TAFA2: variants seen among roughly 807,000 people sequenced by gnomAD.
TAFA2 encodes chemokine-like protein TAFA-2.
A neutral mutation model predicts 18.8 loss-of-function variants in TAFA2; 7 were observed. The observed-to-expected ratio is 0.37, with a 90% CI of 0.21 to 0.70. The LOEUF (loss-of-function observed/expected upper bound fraction) is 0.70. Ranked by LOEUF, TAFA2 falls within the 30% of genes least tolerant of loss-of-function variation. TAFA2 has a pLI of 0.53. For missense variants in TAFA2, 122 were observed against 158.1 expected, an observed-to-expected ratio of 0.77 and a Z score of 1.23; for synonymous variants, 60 against 54.2, an observed-to-expected ratio of 1.11 and a Z score of -0.47.
intron 1 of TAFA2, among the ~76,000 whole-genome samples, chr12:61,892,729 C>G (rs1875688840): frequency 6.6e-6 from 1 of 152,092 alleles, no homozygotes; most frequent in Non-Finnish European, 1.5e-5. Flanking sequence ...GTCCCAGCTA[C>G]TTGGGAGGCT....
At chr12:62,097,078 T>C (rs1219782457) in intron 1 of TAFA2, among the ~76,000 whole-genome samples, 1 of 152,182 alleles carries the variant, frequency 6.6e-6, no homozygotes, top group Admixed American at 6.6e-5. Context: ...ATTCTGCTTC[T>C]GTTTCTTCAT....
At chr12:61,895,211 A>G (rs1053118155) in intron 1 of TAFA2, among the ~76,000 whole-genome samples, 5 of 152,198 alleles carry the variant, frequency 3.3e-5, no homozygotes, top group African/African-American at 1.2e-4. Flanking sequence ...ATGTAGTCAG[A>G]CAATAAAAAT....
chr12:61,857,217 A>G (rs1281086410), intron 2 of TAFA2, among the ~76,000 whole-genome samples: 4 of 152,118 alleles, frequency 2.6e-5, no homozygotes, highest in Non-Finnish European at 5.9e-5. Flanking sequence ...AATAATAGAA[A>G]CATTGAGTTG....
intron 2 of TAFA2, among the ~76,000 whole-genome samples, chr12:61,820,093 A>G (rs2121044265): frequency 6.6e-6 from 1 of 152,224 alleles, no homozygotes; most frequent in East Asian, 1.9e-4. Context: ...ATTCTTAAAG[A>G]AAACTGCATT....
intron 1 of TAFA2, among the ~76,000 whole-genome samples, chr12:62,130,957 A>T (rs1319190458): frequency 6.6e-6 from 1 of 152,018 alleles, no homozygotes; most frequent in Admixed American, 6.6e-5. Flanking sequence ...ACAAGTGATA[A>T]GCATCAACAA....
intron 1 of TAFA2, among the ~76,000 whole-genome samples, chr12:61,949,496 TA>T (rs1204417765): frequency 6.6e-6 from 1 of 152,136 alleles, no homozygotes; most frequent in East Asian, 1.9e-4. Context: ...CAATGGGGAT[TA>T]AAAAAGCAAG....
At position 61,790,188 on chromosome 12, in the gene TAFA2, A is replaced by AG. The variant is rs34320899; in HGVS notation, c.107-35165_107-35164insC. On this transcript the variant is annotated intron_variant, in intron 2 of 4. Transcript: ENST00000416284. The stretch of plus-strand genomic sequence containing the variant: ...ACATCCCTTCATGATAAAAAAAAAA[A>AG]TCCCCAAAATTAGGTATAAAGGTAC... Among the ~76,000 whole-genome samples the AG allele has an allele frequency of 8.0e-4, 121 of 150,334 alleles. 1 individual carries two copies. Among genetic ancestry groups the AG allele is most frequent in the Middle Eastern group, 3.4e-3 (1 of 292 alleles).
At chr12:61,781,703 T>C (rs1203293019) in intron 2 of TAFA2, among the ~76,000 whole-genome samples, 2 of 151,490 alleles carry the variant, frequency 1.3e-5, no homozygotes, top group Non-Finnish European at 3.0e-5. Flanking sequence ...ACGATAAAAA[T>C]ATGTCTTAAA....
chr12:62,205,402 C>T (rs990461552), intron 1 of TAFA2, among the ~76,000 whole-genome samples: 2 of 152,234 alleles, frequency 1.3e-5, no homozygotes, highest in Non-Finnish European at 2.9e-5. Context: ...ATCCAGACTG[C>T]CTGGATTCCT....
chr12:61,753,576 A>C (rs1033840648), intron 4 of TAFA2, 46 bp downstream of exon 4: 14 of 1,580,836 alleles, frequency 8.9e-6, no homozygotes, highest in Non-Finnish European at 1.1e-5. Flanking sequence ...TCCGTTCTCT[A>C]TTAATTCAGA....
At chr12:62,005,795 A>G (rs1396193554) in intron 1 of TAFA2, among the ~76,000 whole-genome samples, 1 of 152,136 alleles carries the variant, frequency 6.6e-6, no homozygotes, top group African/African-American at 2.4e-5. Context: ...TAGACAGTTC[A>G]TTTGCCCTAA....
At chr12:62,105,672 C>T (rs1049942343) in intron 1 of TAFA2, among the ~76,000 whole-genome samples, 1 of 152,132 alleles carries the variant, frequency 6.6e-6, no homozygotes, top group African/African-American at 2.4e-5. Context: ...ATCCCAGATA[C>T]GTAGTTCAAA....
intron 4 of TAFA2, among the ~76,000 whole-genome samples, chr12:61,751,674 G>A (rs867404872): frequency 1.3e-5 from 2 of 151,974 alleles, no homozygotes; most frequent in South Asian, 2.1e-4. Flanking sequence ...TCTATATAGA[G>A]GATAATGTCT....
chr12:62,021,871 C>T (rs1317146396), intron 1 of TAFA2: 5 of 767,984 alleles, frequency 6.5e-6, no homozygotes, highest in African/African-American at 1.7e-5. Context: ...CCTCCGTCCT[C>T]GGAGTTTCCC....
At chr12:62,081,021 T>C (rs900748723) in intron 1 of TAFA2, among the ~76,000 whole-genome samples, 45 of 152,230 alleles carry the variant, frequency 3.0e-4, no homozygotes, top group Admixed American at 2.2e-3. Context: ...GGTGAAACCC[T>C]GTCTCTACGA....
intron 1 of TAFA2, among the ~76,000 whole-genome samples, chr12:62,163,664 G>A (rs982034266): frequency 1.2e-4 from 18 of 152,116 alleles, no homozygotes; most frequent in Non-Finnish European, 1.3e-4. Flanking sequence ...AGTGCCCACA[G>A]AATGTCCTCT....
intron 1 of TAFA2, among the ~76,000 whole-genome samples, chr12:61,886,360 C>T (rs185184640): frequency 5.3e-5 from 8 of 152,204 alleles, no homozygotes; most frequent in South Asian, 2.1e-4. Flanking sequence ...ACTTTGTTCT[C>T]GCTACCACCC....
chr12:61,914,665 T>G (rs1398631831), intron 1 of TAFA2, among the ~76,000 whole-genome samples: 1 of 152,178 alleles, frequency 6.6e-6, no homozygotes, highest in Non-Finnish European at 1.5e-5. Context: ...CATTACGTCC[T>G]CAAAATTGTA....
intron 1 of TAFA2, among the ~76,000 whole-genome samples, chr12:62,116,482 T>C (rs181058691): frequency 1.3e-5 from 2 of 152,334 alleles, no homozygotes; most frequent in Admixed American, 6.5e-5. Flanking sequence ...CTCTGGCGTA[T>C]GTGGCAGCAG....
Sources: allele counts gnomAD v4.1 joint callset (sites outside exome capture counted in the v4.1 genomes callset), GRCh38; gene constraint gnomAD v4.1.1; transcripts MANE v1.5; gene names NCBI Gene and HGNC (gene_info 2026-07-23, HGNC 2026-07-21).